Variants in QRSL1 observed in about 807,000 individuals in gnomAD.
QRSL1 encodes the protein glutaminyl-tRNA amidotransferase subunit QRSL1.
Under a neutral mutation model 61.6 loss-of-function variants are expected in QRSL1, and 54 were observed. The observed-to-expected ratio is 0.88, with a 90% CI of 0.70 to 1.10. The LOEUF is 1.10. QRSL1 is among the 50% of genes least tolerant of loss of function. The pLI is 0.00. For synonymous variants in QRSL1, 228 were observed against 225.7 expected (o/e 1.01, Z -0.09); for missense variants, 505 against 622.6 (o/e 0.81, Z 2.01).
At chr6:106,662,897 C>G in intron 9 of QRSL1, 83 bp from the exon 10 acceptor site, 1 of 1,207,254 alleles carries the variant, frequency 8.3e-7, no homozygotes. Context: ...TCCAATGGTT[C>G]TTTATCAAGC....
rs773176842 is a variant in QRSL1, at chr6:106,629,637, T to G, written c.-45T>G. 3 of 1,581,930 alleles carry G rather than the reference T, an allele frequency of 1.9e-6. No homozygotes were observed. The highest frequency in any genetic ancestry group is 2.6e-6 in the Non-Finnish European group (3 of 1,164,768). Reference sequence around the variant, plus strand: ...TCACTAGCGACCGGTGACCTCTTTTTCCCCCTTGCCTGGCTCCTGTGGTGG... The same window carrying G: ...TCACTAGCGACCGGTGACCTCTTTTGCCCCCTTGCCTGGCTCCTGTGGTGG... On this transcript the variant is annotated 5_prime_UTR_variant, in exon 1 of 11. Coordinates refer to ENST00000369046, the MANE Select transcript of QRSL1 (RefSeq NM_018292.5).
chr6:106,652,667 G>C, intron 7 of QRSL1, 85 bp downstream of exon 7: 2 of 1,585,374 alleles, frequency 1.3e-6, no homozygotes, highest in Non-Finnish European at 1.7e-6. Flanking sequence ...GGGTGGGTTT[G>C]AATCTCTGCT....
rs1207547201 is a variant in QRSL1 at position 106,667,526 on chromosome 6, CTTTG to C, written c.*1528_*1531del. The stretch of plus-strand genomic sequence containing the variant: ...GCTGAATTGTTACTTAATAAATTCA[CTTTG>C]TTTAGTAAAAAAAAATTGTTTTCTA... On this transcript the variant is annotated 3_prime_UTR_variant, in exon 11 of 11. Coordinates refer to ENST00000369046, the MANE Select transcript of QRSL1 (RefSeq NM_018292.5). 1 of 152,048 alleles carries C rather than the reference CTTTG, an allele frequency of 6.6e-6. No homozygotes were observed. Among genetic ancestry groups the C allele is most frequent in the East Asian group, 1.9e-4 (1 of 5,184 alleles). The allele number at this position is 152,048 out of a possible 1,614,324, so 9.4% of individuals were successfully genotyped here.
At chr6:106,633,611 G>C (rs1364296865) in intron 1 of QRSL1, among the ~76,000 whole-genome samples, 1 of 152,096 alleles carries the variant, frequency 6.6e-6, no homozygotes, top group Non-Finnish European at 1.5e-5. Context: ...TTTTACCCAA[G>C]TACATTCAGA....
chr6:106,633,197 A>G (rs377335995), intron 1 of QRSL1, among the ~76,000 whole-genome samples: 1 of 152,232 alleles, frequency 6.6e-6, no homozygotes, highest in African/African-American at 2.4e-5. Context: ...CCTAGCATGC[A>G]AAATATTTGG....
chr6:106,648,590 T>C (rs1043569602), intron 4 of QRSL1, among the ~76,000 whole-genome samples: 1 of 152,210 alleles, frequency 6.6e-6, no homozygotes, highest in African/African-American at 2.4e-5. Context: ...TTATATGTTA[T>C]TTTTATTTTT....
intron 1 of QRSL1, among the ~76,000 whole-genome samples, chr6:106,636,318 CTTTT>C (rs869032477): frequency 7.6e-6 from 1 of 131,804 alleles, no homozygotes; most frequent in Non-Finnish European, 1.6e-5. Context: ...AGCTCTGCTA[CTTTT>C]TTTTTTTTTT....
intron 7 of QRSL1, chr6:106,652,860 A>T: frequency 8.9e-7 from 1 of 1,125,682 alleles, no homozygotes; most frequent in Non-Finnish European, 1.2e-6. Flanking sequence ...AATATTTTAG[A>T]TTTTGTGGAC....
rs928274703 is a variant in QRSL1 at position 106,660,413 on chromosome 6, C to T, written c.1161-2567C>T. On this transcript the variant is annotated intron_variant, in intron 9 of 10. Coordinates refer to ENST00000369046, the MANE Select transcript of QRSL1 (RefSeq NM_018292.5). Reference sequence around the variant, plus strand: ...TGTTGCCCAGGCTGGTCTCAAGCTCCTGGGCTCAAGGAATCCTACCCCCAG... The same window carrying T: ...TGTTGCCCAGGCTGGTCTCAAGCTCTTGGGCTCAAGGAATCCTACCCCCAG... 2.6e-5 allele frequency among the ~76,000 whole-genome samples: 4 copies of T among 151,538 alleles called. No individual in the cohort carries two copies. In the East Asian group the frequency reaches 5.9e-4, roughly 22 times the overall value.
At chr6:106,639,100 G>C (rs939960398) in intron 1 of QRSL1, among the ~76,000 whole-genome samples, 2 of 139,260 alleles carry the variant, frequency 1.4e-5, no homozygotes, top group African/African-American at 5.6e-5. Context: ...AACTTGTGTG[G>C]TTATTTGTGT....
chr6:106,650,550 GATTT>G, intron 5 of QRSL1, among the ~76,000 whole-genome samples: 1 of 151,330 alleles, frequency 6.6e-6, no homozygotes, highest in East Asian at 1.9e-4. Flanking sequence ...ACCCCTTTTT[GATTT>G]GTTTACCCCT....
At chr6:106,662,740 T>A (rs1239093444) in intron 9 of QRSL1, among the ~76,000 whole-genome samples, 2 of 152,178 alleles carry the variant, frequency 1.3e-5, no homozygotes, top group African/African-American at 4.8e-5. Context: ...GCCTTTAAGC[T>A]CTGCTTCATC....
intron 4 of QRSL1, among the ~76,000 whole-genome samples, chr6:106,646,455 C>G (rs1047841288): frequency 6.6e-6 from 1 of 151,996 alleles, no homozygotes; most frequent in African/African-American, 2.4e-5. Context: ...TGAAAATCTT[C>G]CAGGATAAGA....
chr6:106,642,847 A>G, intron 3 of QRSL1, 147 bp from the exon 4 acceptor site: 3 of 770,126 alleles, frequency 3.9e-6, no homozygotes, highest in Non-Finnish European at 4.7e-6. Flanking sequence ...AGCCTGCTCC[A>G]CCCAGAGAAG....
chr6:106,648,935 A>G, intron 4 of QRSL1, 90 bp from the exon 5 acceptor site: 2 of 1,334,614 alleles, frequency 1.5e-6, no homozygotes, highest in Non-Finnish European at 2.0e-6. Context: ...ATGCTCAATG[A>G]GTGTCAGAAG....
chr6:106,652,654 A>C lies in QRSL1; in HGVS notation c.849+72A>C, dbSNP rs182715308. On this transcript the variant is annotated intron_variant, in intron 7 of 10. Transcript: ENST00000369046. Reference sequence around the variant, plus strand: ...TAGAGAGCACAGACTTGGGAGGCGGATTGGGTGGGTTTGAATCTCTGCTCT... The same window carrying C: ...TAGAGAGCACAGACTTGGGAGGCGGCTTGGGTGGGTTTGAATCTCTGCTCT... 3.8e-3 allele frequency: 6,055 copies of C among 1,598,884 alleles called. 17 individuals carry two copies. The highest frequency in any genetic ancestry group is 4.8e-3 in the Non-Finnish European group (5,620 of 1,171,776).
intron 7 of QRSL1, among the ~76,000 whole-genome samples, chr6:106,654,133 C>T (rs914680315): frequency 2.0e-5 from 3 of 152,092 alleles, no homozygotes; most frequent in Admixed American, 6.5e-5. Context: ...GGGCAGATCA[C>T]GAGGTCAGGA....
At chr6:106,654,561 T>A (rs1458232735) in intron 7 of QRSL1, among the ~76,000 whole-genome samples, 169 bp from the exon 8 acceptor site, 3 of 152,202 alleles carry the variant, frequency 2.0e-5, no homozygotes, top group South Asian at 2.1e-4. Context: ...CACTCTGAAA[T>A]GGATTTAGTC....
intron 2 of QRSL1, 133 bp downstream of exon 2, chr6:106,640,641 T>A: frequency 1.0e-6 from 1 of 996,840 alleles, no homozygotes; most frequent in South Asian, 1.7e-5. Context: ...ATGAGGATAA[T>A]AAAAATGAGG....
Sources: gnomAD v4.1 joint callset for allele counts (sites outside exome capture counted in the v4.1 genomes callset) on GRCh38, gnomAD v4.1.1 for gene constraint, MANE v1.5 for transcripts, NCBI Gene and HGNC (gene_info 2026-07-23, HGNC 2026-07-21) for gene names.